Variants in DNAJB14 observed in about 807,000 individuals in gnomAD.
DNAJB14 encodes the protein DnaJ heat shock protein family (Hsp40) member B14.
Under a neutral mutation model 48.4 loss-of-function variants are expected in DNAJB14, and 22 were observed. The observed-to-expected ratio is 0.45, with a 90% CI of 0.32 to 0.65. DNAJB14 has a LOEUF of 0.65. Ranked by LOEUF, DNAJB14 falls within the 30% of genes least tolerant of loss-of-function variation. DNAJB14 has a pLI of 0.03. For synonymous variants in DNAJB14, 142 were observed against 158.7 expected (o/e 0.89, Z 0.79); for missense variants, 319 against 458.8 (o/e 0.70, Z 2.78).
intron 1 of DNAJB14, among the ~76,000 whole-genome samples, chr4:99,937,189 C>T (rs370721866): frequency 3.3e-5 from 5 of 151,836 alleles, no homozygotes; most frequent in Admixed American, 2.6e-4. Context: ...TGGTGGCAGG[C>T]GCTTATAGTC....
chr4:99,921,850 T>A (rs1271679595), intron 3 of DNAJB14, among the ~76,000 whole-genome samples: 1 of 152,226 alleles, frequency 6.6e-6, no homozygotes, highest in Non-Finnish European at 1.5e-5. Flanking sequence ...TATTGAATTA[T>A]AAATTAACCT....
intron 6 of DNAJB14, among the ~76,000 whole-genome samples, chr4:99,905,391 A>G (rs1304644178): frequency 1.3e-5 from 2 of 152,150 alleles, no homozygotes; most frequent in Non-Finnish European, 2.9e-5. Flanking sequence ...TCCACAGTGG[A>G]AGAATAGAAA....
chr4:99,905,678 A>G lies in DNAJB14; in HGVS notation c.761T>C (p.Met254Thr), dbSNP rs757565022. ...DGGFSVFIQL[M>T]PIIVLILVSL... ...CACGAGGATCAATACAATTATGGGC[A>G]TCAGCTGGATAAACACAGAAAAACC... Residue 254 changes from methionine (M) to threonine (T), a missense_variant, in exon 6 of 8, where the codon ATG becomes ACG. By Grantham distance (81) the Met-to-Thr change is moderately conservative (BLOSUM62 -1). Around this residue, in one of 3 missense-constraint regions of DNAJB14, gnomAD observed 166 missense variants for 236.3 expected, o/e 0.70. Transcript: ENST00000442697. The G allele has an allele frequency of 6.2e-7, 1 of 1,612,810 alleles. No homozygotes were observed. Among genetic ancestry groups the G allele is most frequent in the South Asian group, 1.1e-5 (1 of 91,018 alleles).
At chr4:99,923,889 A>T in intron 2 of DNAJB14, 1 of 985,094 alleles carries the variant, frequency 1.0e-6, no homozygotes. Context: ...TGAAAAAGAT[A>T]ACATCTCATG....
In DNAJB14 at chr4:99,906,177, C is replaced by T. The variant is rs904683012; in HGVS notation, c.732+340G>A. 1.1e-5 allele frequency: 14 copies of T among 1,328,430 alleles called. No individual in the cohort carries two copies. In the African/African-American group the frequency reaches 1.9e-4, roughly 18 times the overall value. 82.3% of individuals were successfully genotyped at this position (1,328,430 alleles called of 1,614,324 possible). ...TGCTATAGGCAATTAGGTATAACTG[C>T]ATTAGAACAAGGAAAGTTACCTCCA... On this transcript the variant is annotated intron_variant, in intron 5 of 7. Transcript: ENST00000442697.
rs148236621 is a variant in DNAJB14 at position 99,930,351 on chromosome 4, A to G, written c.305+99T>C. 6.5e-3 allele frequency: 8,054 copies of G among 1,243,924 alleles called. 41 individuals carry two copies. The highest frequency in any genetic ancestry group is 0.014 in the South Asian group (799 of 55,366). 77.1% of individuals were successfully genotyped at this position (1,243,924 alleles called of 1,614,324 possible). On this transcript the variant is annotated intron_variant, in intron 2 of 7. Transcript: ENST00000442697. ...CCCAGAGTTCAATTCCTTGATGTCT[A>G]TTCTTCTAATGTTATATTTCACTTT...
At chr4:99,901,191 T>A in intron 7 of DNAJB14, 39 bp from the exon 8 acceptor site, 1 of 1,546,432 alleles carries the variant, frequency 6.5e-7, no homozygotes, top group Non-Finnish European at 8.7e-7. Flanking sequence ...TTGAATAAAA[T>A]TTTTGTCACC....
chr4:99,946,341 G>A (rs1196243433), intron 1 of DNAJB14, 98 bp downstream of exon 1: 12 of 1,521,884 alleles, frequency 7.9e-6, no homozygotes, highest in South Asian at 2.4e-5. Context: ...CAGGCCGGGG[G>A]CCCCGCAGGC....
rs202204125 is a variant in DNAJB14 at position 99,946,512 on chromosome 4, G to T, written c.60C>A (p.Asn20Lys). 3.1e-6 allele frequency: 5 copies of T among 1,613,898 alleles called. No homozygotes were observed. The Admixed American group carries it at 6.7e-5, about 22-fold the overall frequency. ...GCTGGGCCTTCTCGCGGTTGCCGGC[G>T]TTCAGGGCCTCCCGGGCGATCTCGA... ...KCVEIAREAL[N>K]AGNREKAQRF... The change falls in exon 1 of 8, where the codon AAC (asparagine) becomes AAA (lysine). Residue 20 changes from asparagine (N) to lysine (K), a missense_variant. Transcript: ENST00000442697.
intron 2 of DNAJB14, chr4:99,925,048 C>T (rs1726201674): frequency 2.1e-6 from 1 of 476,848 alleles, no homozygotes; most frequent in Non-Finnish European, 3.7e-6. Context: ...ACTGTCATCC[C>T]TTGGTATCCA....
At chr4:99,944,980 G>A (rs1196255523) in intron 1 of DNAJB14, among the ~76,000 whole-genome samples, 2 of 152,186 alleles carry the variant, frequency 1.3e-5, no homozygotes, top group Non-Finnish European at 2.9e-5. Flanking sequence ...GATACTGCAT[G>A]AATCTACCTA....
intron 1 of DNAJB14, among the ~76,000 whole-genome samples, chr4:99,932,329 C>T (rs185990938): frequency 7.9e-5 from 12 of 151,758 alleles, no homozygotes; most frequent in Non-Finnish European, 1.3e-4. Flanking sequence ...TCAAAAACAC[C>T]GGTTAAAAAA....
chr4:99,919,940 A>T (rs2110206014), intron 3 of DNAJB14, among the ~76,000 whole-genome samples: 1 of 152,324 alleles, frequency 6.6e-6, no homozygotes, highest in Admixed American at 6.5e-5. Context: ...TCTAACTATT[A>T]TGAAGGCTTT....
chr4:99,902,076 TA>T (rs1258698874), intron 7 of DNAJB14, among the ~76,000 whole-genome samples: 1 of 152,152 alleles, frequency 6.6e-6, no homozygotes, highest in Non-Finnish European at 1.5e-5. Flanking sequence ...ATAATGCGCT[TA>T]TATCTATTTA....
chr4:99,906,581 G>T lies in DNAJB14; in HGVS notation c.668C>A (p.Ala223Asp), dbSNP rs748016644. Residue 223 changes from alanine to aspartate, a missense_variant, in exon 5 of 8, where the codon GCT becomes GAT. This residue lies in a region of DNAJB14 where 166 missense variants were observed against 236.3 expected (regional missense o/e 0.70). Coordinates refer to ENST00000442697, the MANE Select transcript of DNAJB14 (RefSeq NM_001031723.4). Reference protein sequence around the residue: ...GSVHSFSNGRAGYSQQHQHRH... With the variant: ...GSVHSFSNGRDGYSQQHQHRH... ...ATGCTGATGTTGTTGGCTATAACCA[G>T]CTCTTCCATTTGAAAAAGAATGTAC... 2 of 1,611,334 alleles carry T rather than the reference G, an allele frequency of 1.2e-6. No homozygotes were observed. The highest frequency in any genetic ancestry group is 3.3e-5 in the Admixed American group (2 of 59,944).
chr4:99,923,831 A>G, intron 2 of DNAJB14: 1 of 984,598 alleles, frequency 1.0e-6, no homozygotes, highest in Non-Finnish European at 1.2e-6. Context: ...AAACCACTGC[A>G]CCCGGCCATC....
intron 3 of DNAJB14, among the ~76,000 whole-genome samples, chr4:99,916,595 C>T (rs1386574461): frequency 6.6e-6 from 1 of 152,042 alleles, no homozygotes. Context: ...TTCCTGACAT[C>T]CTGTGAGTTA....
chr4:99,944,727 AC>A (rs1727004880), intron 1 of DNAJB14, among the ~76,000 whole-genome samples: 1 of 151,764 alleles, frequency 6.6e-6, no homozygotes, highest in Non-Finnish European at 1.5e-5. Context: ...GGCATGCACC[AC>A]CACGCCTGGC....
intron 3 of DNAJB14, among the ~76,000 whole-genome samples, chr4:99,919,367 G>A (rs1461053039): frequency 3.3e-5 from 5 of 151,976 alleles, no homozygotes; most frequent in African/African-American, 9.7e-5. Context: ...GGTGGATCAC[G>A]AGGTCAGGAG....
Sources: allele counts gnomAD v4.1 joint callset (sites outside exome capture counted in the v4.1 genomes callset), GRCh38; gene constraint gnomAD v4.1.1; regional missense constraint gnomAD v4.1.1; transcripts MANE v1.5; gene names NCBI Gene and HGNC (gene_info 2026-07-23, HGNC 2026-07-21).